HS6ST3: variants seen among roughly 807,000 people sequenced by gnomAD.
The protein encoded by HS6ST3 is heparan sulfate 6-O-sulfotransferase 3.
In HS6ST3, 12 loss-of-function variants were observed where a neutral mutation model predicts 36.7. That is an observed-to-expected ratio of 0.33 (90% confidence interval 0.21 to 0.53). HS6ST3 has a LOEUF of 0.53. Ranked by LOEUF, HS6ST3 falls within the 20% of genes least tolerant of loss-of-function variation. HS6ST3 has a pLI of 0.95. For missense variants in HS6ST3, 584 were observed against 640.9 expected, an observed-to-expected ratio of 0.91 and a Z score of 0.96; for synonymous variants, 240 against 257.5, an observed-to-expected ratio of 0.93 and a Z score of 0.65.
intron 1 of HS6ST3, among the ~76,000 whole-genome samples, chr13:96,126,946 T>C (rs567667292): frequency 6.6e-6 from 1 of 152,262 alleles, no homozygotes; most frequent in East Asian, 1.9e-4. Context: ...TGCTGCTGCA[T>C]CAAGAAAACT....
At chr13:96,526,197 G>A (rs2056113481) in intron 1 of HS6ST3, among the ~76,000 whole-genome samples, 2 of 152,056 alleles carry the variant, frequency 1.3e-5, no homozygotes, top group African/African-American at 2.4e-5. Flanking sequence ...TGAAGATGAA[G>A]GTGGGTAAAG....
At chr13:96,535,487 G>T (rs1316861940) in intron 1 of HS6ST3, among the ~76,000 whole-genome samples, 1 of 146,980 alleles carries the variant, frequency 6.8e-6, no homozygotes, top group Non-Finnish European at 1.5e-5. Context: ...GAACCCGGGA[G>T]ATGGAGGTTG....
intron 1 of HS6ST3, among the ~76,000 whole-genome samples, chr13:96,096,245 A>C (rs2053790313): frequency 6.6e-6 from 1 of 152,176 alleles, no homozygotes; most frequent in Non-Finnish European, 1.5e-5. Flanking sequence ...GTATTGCTCC[A>C]AAGGATAGAA....
At chr13:96,792,394 C>G (rs1877811981) in intron 1 of HS6ST3, among the ~76,000 whole-genome samples, 1 of 151,906 alleles carries the variant, frequency 6.6e-6, no homozygotes, top group Non-Finnish European at 1.5e-5. Flanking sequence ...GTGACGCCCC[C>G]TCTGGTGCTT....
chr13:96,387,896 G>A (rs1332694484), intron 1 of HS6ST3, among the ~76,000 whole-genome samples: 2 of 152,160 alleles, frequency 1.3e-5, no homozygotes, highest in Non-Finnish European at 1.5e-5. Context: ...GCAGGTGACT[G>A]TGCCAGGTTC....
intron 1 of HS6ST3, among the ~76,000 whole-genome samples, chr13:96,387,513 G>T (rs1269430207): frequency 1.3e-5 from 2 of 151,986 alleles, no homozygotes; most frequent in Non-Finnish European, 2.9e-5. Context: ...CTTTTCTTTT[G>T]GAAATAAATA....
chr13:96,155,921 T>G (rs1390027317), intron 1 of HS6ST3, among the ~76,000 whole-genome samples: 1 of 152,192 alleles, frequency 6.6e-6, no homozygotes, highest in Non-Finnish European at 1.5e-5. Flanking sequence ...CAAAGGTCAC[T>G]TTTTCAGTGA....
At chr13:96,454,893 G>A (rs1204554979) in intron 1 of HS6ST3, among the ~76,000 whole-genome samples, 4 of 149,308 alleles carry the variant, frequency 2.7e-5, no homozygotes, top group African/African-American at 4.9e-5. Flanking sequence ...AAAAACATAC[G>A]CCTTTATGCC....
chr13:96,338,321 AG>A (rs1451321606), intron 1 of HS6ST3, among the ~76,000 whole-genome samples: 2 of 152,144 alleles, frequency 1.3e-5, no homozygotes, highest in African/African-American at 2.4e-5. Flanking sequence ...CACCGGGGAA[AG>A]GTGTACTTGG....
At chr13:96,425,955 G>C (rs1278737348) in intron 1 of HS6ST3, among the ~76,000 whole-genome samples, 2 of 151,572 alleles carry the variant, frequency 1.3e-5, no homozygotes, top group African/African-American at 4.9e-5. Flanking sequence ...ACGTCTGCTT[G>C]GTGCTGTGGA....
chr13:96,690,024 A>G (rs1212826053), intron 1 of HS6ST3, among the ~76,000 whole-genome samples: 6 of 152,130 alleles, frequency 3.9e-5, no homozygotes, highest in African/African-American at 1.2e-4. Flanking sequence ...AAGCTCTGAT[A>G]GATGCTGGAA....
At chr13:96,383,110 T>C (rs1164991406) in intron 1 of HS6ST3, among the ~76,000 whole-genome samples, 1 of 152,146 alleles carries the variant, frequency 6.6e-6, no homozygotes, top group African/African-American at 2.4e-5. Flanking sequence ...CTAGAAAAAT[T>C]CGTCAGTTAT....
chr13:96,138,809 A>G (rs1460341030), intron 1 of HS6ST3, among the ~76,000 whole-genome samples: 2 of 152,136 alleles, frequency 1.3e-5, no homozygotes, highest in African/African-American at 4.8e-5. Context: ...TGTTATGTGG[A>G]AAAAATGATA....
At chr13:96,825,205 T>C (rs1878623420) in intron 1 of HS6ST3, among the ~76,000 whole-genome samples, 1 of 152,228 alleles carries the variant, frequency 6.6e-6, no homozygotes, top group Non-Finnish European at 1.5e-5. Flanking sequence ...GTTGTGAACC[T>C]AGCATTATGA....
rs904468322 is a variant in HS6ST3 at position 96,096,372 on chromosome 13, A to C, written c.707+4803A>C. Reference sequence around the variant, plus strand: ...CTCACTCTCAGTAAAAACTTGAGGAATGTCTGGGTAACTACTGATGTTGTA... The same window carrying C: ...CTCACTCTCAGTAAAAACTTGAGGACTGTCTGGGTAACTACTGATGTTGTA... On this transcript the variant is annotated intron_variant, in intron 1 of 1. Transcript: ENST00000376705. Among the ~76,000 whole-genome samples, 21 of 152,204 alleles carry C rather than the reference A, an allele frequency of 1.4e-4. No homozygotes were observed. In the East Asian group the frequency reaches 4.0e-3, roughly 29 times the overall value.
At chr13:96,157,520 G>A (rs1382488264) in intron 1 of HS6ST3, among the ~76,000 whole-genome samples, 1 of 152,202 alleles carries the variant, frequency 6.6e-6, no homozygotes, top group African/African-American at 2.4e-5. Context: ...AGGGACCTGT[G>A]AGATAATTTG....
intron 1 of HS6ST3, among the ~76,000 whole-genome samples, chr13:96,404,289 A>T (rs924600670): frequency 6.6e-6 from 1 of 152,126 alleles, no homozygotes; most frequent in South Asian, 2.1e-4. Flanking sequence ...TCAGTGCCTT[A>T]TATGCCCGTA....
At chr13:96,700,330 A>C (rs534898613) in intron 1 of HS6ST3, among the ~76,000 whole-genome samples, 1 of 152,198 alleles carries the variant, frequency 6.6e-6, no homozygotes, top group Admixed American at 6.5e-5. Context: ...ATTCACTACC[A>C]CGAGAACAGC....
intron 1 of HS6ST3, among the ~76,000 whole-genome samples, chr13:96,728,237 A>G (rs1876054485): frequency 6.6e-6 from 1 of 152,220 alleles, no homozygotes; most frequent in Non-Finnish European, 1.5e-5. Flanking sequence ...TTCAGAGGTA[A>G]GTGGGATTAG....
Sources: gnomAD v4.1 joint callset for allele counts (sites outside exome capture counted in the v4.1 genomes callset) on GRCh38, gnomAD v4.1.1 for gene constraint, MANE v1.5 for transcripts, NCBI Gene and HGNC (gene_info 2026-07-23, HGNC 2026-07-21) for gene names.